Variants in CUEDC1 observed in about 807,000 individuals in gnomAD.
CUEDC1 encodes the protein CUE domain-containing protein 1.
In CUEDC1, 30 loss-of-function variants were observed where a neutral mutation model predicts 43.7. That is an observed-to-expected ratio of 0.69 (90% CI 0.51 to 0.93). CUEDC1 has a LOEUF of 0.93. Among genes scored for constraint, CUEDC1 ranks in the 40% least tolerant of loss-of-function variants. CUEDC1 has a pLI of 0.00. For synonymous variants in CUEDC1, 223 were observed against 223.6 expected (o/e 1.00, Z 0.02); for missense variants, 486 against 549.0 (o/e 0.89, Z 1.15).
chr17:57,872,147 A>C (rs973746995), intron 5 of CUEDC1, among the ~76,000 whole-genome samples: 4 of 152,226 alleles, frequency 2.6e-5, no homozygotes, highest in African/African-American at 7.2e-5. Flanking sequence ...CCCACCCTGC[A>C]GGGGAAAGGC....
chr17:57,871,943 G>A (rs900208596), intron 5 of CUEDC1, among the ~76,000 whole-genome samples: 3 of 152,160 alleles, frequency 2.0e-5, no homozygotes, highest in Non-Finnish European at 2.9e-5. Context: ...AAAAATAAAC[G>A]GAAAAGCCTT....
chr17:57,922,136 C>T (rs1188041961), intron 1 of CUEDC1, among the ~76,000 whole-genome samples: 1 of 151,236 alleles, frequency 6.6e-6, no homozygotes, highest in Non-Finnish European at 1.5e-5. Flanking sequence ...GAGATCAGAT[C>T]TGCAGAAAAA....
chr17:57,923,790 T>C (rs1048627638), intron 1 of CUEDC1, among the ~76,000 whole-genome samples: 11 of 152,228 alleles, frequency 7.2e-5, no homozygotes, highest in African/African-American at 2.7e-4. Flanking sequence ...CAATACTGAC[T>C]GGACACCTAC....
At chr17:57,890,185 A>G (rs1319245001) in intron 1 of CUEDC1, among the ~76,000 whole-genome samples, 1 of 152,216 alleles carries the variant, frequency 6.6e-6, no homozygotes, top group Admixed American at 6.5e-5. Flanking sequence ...CCCACTTCCT[A>G]AGAGGCAAAA....
At position 57,867,395 on chromosome 17, in the gene CUEDC1, G is replaced by A; in HGVS notation, c.1055C>T (p.Thr352Ile). ...KHQSLGAAAS[T>I]ANLLDDVEGH... ...CTCCACATCATCCAGGAGGTTGGCT[G>A]TTGACGCGGCAGCCCCCAGCCTGCC... The change falls in exon 9 of 11, where the codon ACA (threonine) becomes ATA (isoleucine). Residue 352 changes from threonine (T) to isoleucine (I), a missense_variant. Transcript: ENST00000577830. 1 of 1,552,596 alleles carries A rather than the reference G, an allele frequency of 6.4e-7. No homozygotes were observed. The highest frequency in any genetic ancestry group is 8.7e-7 in the Non-Finnish European group (1 of 1,147,428).
At chr17:57,949,594 G>A (rs2074987776) in intron 1 of CUEDC1, among the ~76,000 whole-genome samples, 1 of 121,932 alleles carries the variant, frequency 8.2e-6, no homozygotes, top group South Asian at 2.5e-4. Context: ...TTTTTTTGAG[G>A]TAGGGTCTTG....
intron 1 of CUEDC1, among the ~76,000 whole-genome samples, chr17:57,906,709 G>C (rs987674079): frequency 3.6e-4 from 55 of 152,204 alleles, no homozygotes; most frequent in African/African-American, 1.3e-3. Flanking sequence ...GGTGGCTCAT[G>C]CCTGTAATCC....
At chr17:57,915,348 C>T (rs1407552107) in intron 1 of CUEDC1, among the ~76,000 whole-genome samples, 1 of 151,836 alleles carries the variant, frequency 6.6e-6, no homozygotes, top group East Asian at 1.9e-4. Flanking sequence ...CTCAGAGGTC[C>T]CCTCAGGCAA....
At chr17:57,884,262 A>T (rs1448462902) in intron 2 of CUEDC1, among the ~76,000 whole-genome samples, 2 of 127,216 alleles carry the variant, frequency 1.6e-5, no homozygotes, top group Admixed American at 2.0e-4. Context: ...CAGTGGCATG[A>T]TCTCGGCTCA....
intron 1 of CUEDC1, among the ~76,000 whole-genome samples, chr17:57,894,139 T>G (rs918984708): frequency 2.6e-5 from 4 of 152,182 alleles, no homozygotes; most frequent in African/African-American, 7.2e-5. Context: ...AAAGGACTCC[T>G]AAACCTCTTT....
chr17:57,884,766 T>C (rs1003576602), intron 2 of CUEDC1, among the ~76,000 whole-genome samples: 77 of 152,372 alleles, frequency 5.1e-4, no homozygotes, highest in African/African-American at 1.9e-3. Context: ...CATCGAGCAC[T>C]TACCACTCTG....
rs56137797 is a variant in CUEDC1 at position 57,932,281 on chromosome 17, C to CAAAAAAAAAAAAAAAA, written c.-316+22928_-316+22943dup. ...TGGGCAACAAAGTGACACTGTGTCT[C>CAAAAAAAAAAAAAAAA]AAAAAAAAAAAAAAAAAAAAAAGGC... On this transcript the variant is annotated intron_variant, in intron 1 of 10. Coordinates refer to ENST00000577830, the MANE Select transcript of CUEDC1 (RefSeq NM_001271875.2). 4.7e-4 allele frequency among the ~76,000 whole-genome samples: 57 copies of CAAAAAAAAAAAAAAAA among 121,940 alleles called. 1 individual carries two copies. The highest frequency in any genetic ancestry group is 1.9e-3 in the African/African-American group (42 of 22,498). 80.0% of individuals were successfully genotyped at this position (121,940 alleles called of 152,430 possible). A position where few individuals can be genotyped will look rare whatever the true frequency, so the allele number is the denominator to read the frequency against.
chr17:57,862,684 G>A lies in CUEDC1; in HGVS notation c.*605C>T, dbSNP rs970520392. ...CTCAGAGTTCCTGGGGGACTGGCCAGGGACCTCCCACCCAGGCTGGGTGCA... is the reference window on the plus strand; with the variant it reads ...CTCAGAGTTCCTGGGGGACTGGCCAAGGACCTCCCACCCAGGCTGGGTGCA... On this transcript the variant is annotated 3_prime_UTR_variant, in exon 11 of 11. Transcript: ENST00000577830. 1 of 152,340 alleles carries A rather than the reference G, an allele frequency of 6.6e-6. No individual in the cohort carries two copies. Among genetic ancestry groups the A allele is most frequent in the African/African-American group, 2.4e-5 (1 of 41,394 alleles). 9.4% of individuals were successfully genotyped at this position (152,340 alleles called of 1,614,324 possible).
At chr17:57,939,112 A>G (rs1197944840) in intron 1 of CUEDC1, among the ~76,000 whole-genome samples, 1 of 148,908 alleles carries the variant, frequency 6.7e-6, no homozygotes, top group East Asian at 2.0e-4. Flanking sequence ...GGACTACAGG[A>G]GTGTGACACC....
intron 1 of CUEDC1, among the ~76,000 whole-genome samples, chr17:57,893,052 G>C (rs149433298): frequency 6.6e-6 from 1 of 152,204 alleles, no homozygotes; most frequent in Non-Finnish European, 1.5e-5. Context: ...ATGAGGACAC[G>C]CAGGCCAGGC....
intron 1 of CUEDC1, among the ~76,000 whole-genome samples, chr17:57,931,854 T>C (rs1408770691): frequency 6.6e-6 from 1 of 152,050 alleles, no homozygotes; most frequent in African/African-American, 2.4e-5. Context: ...CTCTTTCTCC[T>C]TTGCAAAAAT....
chr17:57,948,380 CG>C (rs948245071), intron 1 of CUEDC1, among the ~76,000 whole-genome samples: 2 of 152,112 alleles, frequency 1.3e-5, no homozygotes, highest in African/African-American at 4.8e-5. Context: ...TGAGCACCCC[CG>C]GGTGATGCTG....
intron 1 of CUEDC1, among the ~76,000 whole-genome samples, chr17:57,949,564 CTT>C (rs1194743025): frequency 1.3e-4 from 10 of 79,940 alleles, no homozygotes; most frequent in African/African-American, 5.2e-4. Flanking sequence ...CTCTGACATA[CTT>C]TTTTTTTTTT....
chr17:57,867,500 C>A lies in CUEDC1; in HGVS notation c.1035-85G>T, dbSNP rs913198920. ...AGTCCCACTGACTCTCTGCCCCACC[C>A]CTCAAAGCTCTGGAGGTACCTGACA... On this transcript the variant is annotated intron_variant, in intron 8 of 10. Coordinates refer to ENST00000577830, the MANE Select transcript of CUEDC1 (RefSeq NM_001271875.2). 2.4e-5 allele frequency: 30 copies of A among 1,254,048 alleles called. No individual in the cohort carries two copies. The Admixed American group carries it at 3.2e-4, about 13-fold the overall frequency. 77.7% of individuals were successfully genotyped at this position (1,254,048 alleles called of 1,614,324 possible).
Sources: gnomAD v4.1 joint callset for allele counts (sites outside exome capture counted in the v4.1 genomes callset) on GRCh38, gnomAD v4.1.1 for gene constraint, MANE v1.5 for transcripts, NCBI Gene and HGNC (gene_info 2026-07-23, HGNC 2026-07-21) for gene names.